ADGRE1: variants seen among roughly 807,000 people sequenced by gnomAD.
ADGRE1 encodes the protein EGF-like module receptor 1.
Under a neutral mutation model 102.7 loss-of-function variants are expected in ADGRE1, and 82 were observed. The observed-to-expected ratio is 0.80, with a 90% CI of 0.67 to 0.96. The LOEUF is 0.96. Among genes scored for constraint, ADGRE1 ranks in the 40% least tolerant of loss-of-function variants. The pLI is 0.00. For synonymous variants in ADGRE1, 398 were observed against 399.6 expected, an observed-to-expected ratio of 1.00 and a Z score of 0.05; for missense variants, 1,032 against 1,085.3, an observed-to-expected ratio of 0.95 and a Z score of 0.69.
At position 6,924,771 on chromosome 19, in the gene ADGRE1, T is replaced by C. The variant is rs1327481992; in HGVS notation, c.1885T>C (p.Ser629Pro). Reference protein sequence around the residue: ...LAIATFLLCRSIRNHNTYLHL... With the variant: ...LAIATFLLCRPIRNHNTYLHL... Reference sequence around the variant, plus strand: ...CATCGCCACCTTTCTGCTGTGTCGCTCCATCCGAAATCACAACACCTACCT... The same window carrying C: ...CATCGCCACCTTTCTGCTGTGTCGCCCCATCCGAAATCACAACACCTACCT... The change falls in exon 15 of 21, where the codon TCC becomes CCC. Residue 629 changes from serine to proline, a missense_variant. By Grantham distance (74) the Ser-to-Pro change is moderately conservative (BLOSUM62 -1). Coordinates refer to ENST00000312053, the MANE Select transcript of ADGRE1 (RefSeq NM_001974.5). 9.3e-6 allele frequency: 15 copies of C among 1,613,998 alleles called. No homozygotes were observed. Among genetic ancestry groups the C allele is most frequent in the Non-Finnish European group, 1.2e-5 (14 of 1,180,036 alleles).
At chr19:6,910,430 C>G (rs1974129473) in intron 10 of ADGRE1, among the ~76,000 whole-genome samples, 1 of 152,090 alleles carries the variant, frequency 6.6e-6, no homozygotes, top group African/African-American at 2.4e-5. Flanking sequence ...AATTCAGATT[C>G]TTTTAGACAT....
intron 2 of ADGRE1, among the ~76,000 whole-genome samples, chr19:6,893,841 G>A (rs1301684316): frequency 6.6e-6 from 1 of 152,174 alleles, no homozygotes; most frequent in African/African-American, 2.4e-5. Context: ...GGGTCCCACT[G>A]GGCTAAAATA....
In ADGRE1 at chr19:6,940,358, G is replaced by A; in HGVS notation, c.*329G>A. ...TTTTCTCCTGCCCTTGTTGGTGCAT[G>A]GTTCTAAGCATGCCCCTCCAGAGCC... On this transcript the variant is annotated 3_prime_UTR_variant, in exon 21 of 21. Coordinates refer to ENST00000312053, the MANE Select transcript of ADGRE1 (RefSeq NM_001974.5). The A allele has an allele frequency of 2.3e-6, 1 of 436,930 alleles. No homozygotes were observed. Among genetic ancestry groups the A allele is most frequent in the South Asian group, 2.7e-5 (1 of 37,522 alleles). The allele number at this position is 436,930 out of a possible 1,614,324, so 27.1% of individuals were successfully genotyped here. A position where few individuals can be genotyped will look rare whatever the true frequency, so the allele number is the denominator to read the frequency against.
chr19:6,933,323 G>A (rs1975244087), intron 17 of ADGRE1, among the ~76,000 whole-genome samples: 1 of 152,068 alleles, frequency 6.6e-6, no homozygotes, highest in Non-Finnish European at 1.5e-5. Context: ...TAATTCCCCT[G>A]GGGCCGTGAT....
chr19:6,907,622 G>A (rs1392184014), intron 9 of ADGRE1, among the ~76,000 whole-genome samples: 1 of 152,118 alleles, frequency 6.6e-6, no homozygotes, highest in Non-Finnish European at 1.5e-5. Context: ...TTACAGGTGT[G>A]AGCACCGTGC....
At chr19:6,908,883 CA>C in intron 10 of ADGRE1, 111 bp downstream of exon 10, 1 of 977,692 alleles carries the variant, frequency 1.0e-6, no homozygotes, top group Non-Finnish European at 1.5e-6. Context: ...CCCATAATCC[CA>C]GCACTTTGGG....
In ADGRE1 at chr19:6,937,243, G is replaced by C. The variant is rs990179216; in HGVS notation, c.2382G>C (p.Arg794Ser). Reference protein sequence around the residue: ...NAEVSTLKDTRLLTFKAFAQL... With the variant: ...NAEVSTLKDTSLLTFKAFAQL... ...TACATGCTGTACATCTTCTCCCCAG[G>C]TTACTGACCTTCAAGGCCTTTGCCC... Residue 794 changes from arginine to serine, a missense_variant and splice_region_variant, in exon 19 of 21, where the codon AGG (arginine) becomes AGC (serine). Transcript: ENST00000312053. The C allele has an allele frequency of 1.2e-6, 2 of 1,613,066 alleles. No individual in the cohort carries two copies. Among genetic ancestry groups the C allele is most frequent in the Admixed American group, 1.7e-5 (1 of 59,954 alleles).
intron 20 of ADGRE1, 97 bp downstream of exon 20, chr19:6,937,745 C>T: frequency 9.3e-7 from 1 of 1,073,062 alleles, no homozygotes; most frequent in South Asian, 1.3e-5. Context: ...TGAATGGGAG[C>T]TGAGGGTGCC....
At chr19:6,911,982 C>T (rs1414013309) in intron 10 of ADGRE1, among the ~76,000 whole-genome samples, 2 of 151,784 alleles carry the variant, frequency 1.3e-5, no homozygotes, top group Non-Finnish European at 2.9e-5. Flanking sequence ...CAGACATCTA[C>T]ACACAGATAC....
At chr19:6,892,567 G>A (rs540287424) in intron 2 of ADGRE1, among the ~76,000 whole-genome samples, 4 of 152,032 alleles carry the variant, frequency 2.6e-5, no homozygotes, top group Non-Finnish European at 5.9e-5. Context: ...TCTATAGTTC[G>A]TCTTCCAACC....
rs1451460447 is a variant in ADGRE1 at position 6,897,136 on chromosome 19, A to G, written c.239-13A>G. On this transcript the variant is annotated splice_polypyrimidine_tract_variant and intron_variant, in intron 3 of 20. Transcript: ENST00000312053. The stretch of plus-strand genomic sequence containing the variant: ...TAGTATAAGTAAATTTGTAACTCCA[A>G]TTCTCTGTCTAGATATTGATGAATG... The G allele has an allele frequency of 1.9e-6, 3 of 1,602,098 alleles. No individual in the cohort carries two copies. Among genetic ancestry groups the G allele is most frequent in the Admixed American group, 3.4e-5 (2 of 58,724 alleles).
rs1411173135 is a variant in ADGRE1, at chr19:6,931,300, T to A, written c.2289+3089T>A. On this transcript the variant is annotated intron_variant, in intron 17 of 20. Transcript: ENST00000312053. The stretch of plus-strand genomic sequence containing the variant: ...GGTTTTGTGCTGATGTCTATCAGAT[T>A]TTTTTTAATGGGGGGCATGTATTAA... Among the ~76,000 whole-genome samples the A allele has an allele frequency of 3.3e-5, 5 of 152,090 alleles. No individual in the cohort carries two copies. The East Asian group carries it at 9.6e-4, about 29-fold the overall frequency.
chr19:6,938,621 G>T (rs1975536681), intron 20 of ADGRE1, among the ~76,000 whole-genome samples: 1 of 151,314 alleles, frequency 6.6e-6, no homozygotes. Flanking sequence ...TGATAAAATG[G>T]GGATAATGGT....
intron 14 of ADGRE1, among the ~76,000 whole-genome samples, 196 bp downstream of exon 14, chr19:6,922,079 A>G (rs1974691608): frequency 6.6e-6 from 1 of 152,156 alleles, no homozygotes; most frequent in Non-Finnish European, 1.5e-5. Flanking sequence ...TGAAACTCAA[A>G]TATACAATGA....
At chr19:6,900,429 G>C (rs1973725237) in intron 5 of ADGRE1, among the ~76,000 whole-genome samples, 1 of 152,190 alleles carries the variant, frequency 6.6e-6, no homozygotes, top group Non-Finnish European at 1.5e-5. Context: ...AGGCTGCAGT[G>C]CACTATGCTT....
At position 6,906,370 on chromosome 19, in the gene ADGRE1, T is replaced by C; in HGVS notation, c.950-63T>C. ...GCACGGGAGGACATGAAATCAGACT[T>C]GAATTTTCATCTTATTTTGCTGAGG... is the stretch of plus-strand genomic sequence containing the variant. On this transcript the variant is annotated intron_variant, in intron 8 of 20. Coordinates refer to ENST00000312053, the MANE Select transcript of ADGRE1 (RefSeq NM_001974.5). 3 of 1,459,338 alleles carry C rather than the reference T, an allele frequency of 2.1e-6. No homozygotes were observed. The South Asian group carries it at 3.5e-5, about 17-fold the overall frequency. 90.4% of individuals were successfully genotyped at this position (1,459,338 alleles called of 1,614,324 possible). A position where few individuals can be genotyped will look rare whatever the true frequency, so the allele number is the denominator to read the frequency against.
At chr19:6,896,628 A>AC (rs1212647933) in intron 3 of ADGRE1, 87 bp downstream of exon 3, 4 of 1,443,896 alleles carry the variant, frequency 2.8e-6, no homozygotes, top group African/African-American at 1.4e-5. Context: ...GTACTCCCCC[A>AC]CCCCCCATTT....
chr19:6,890,798 A>G (rs1307445814), intron 2 of ADGRE1, among the ~76,000 whole-genome samples: 1 of 152,176 alleles, frequency 6.6e-6, no homozygotes. Flanking sequence ...ACAGATAACA[A>G]TAGGGATGTT....
intron 18 of ADGRE1, among the ~76,000 whole-genome samples, chr19:6,936,694 C>T (rs956395720): frequency 6.6e-6 from 1 of 150,970 alleles, no homozygotes; most frequent in African/African-American, 2.4e-5. Context: ...ACGGTCTCGA[C>T]TCACTGCAAC....
Sources: gnomAD v4.1 joint callset for allele counts (sites outside exome capture counted in the v4.1 genomes callset) on GRCh38, gnomAD v4.1.1 for gene constraint, MANE v1.5 for transcripts, NCBI Gene and HGNC (gene_info 2026-07-23, HGNC 2026-07-21) for gene names.